GPC6: variants seen among roughly 807,000 people sequenced by gnomAD.
GPC6 encodes glypican 6.
A neutral mutation model predicts 55.2 loss-of-function variants in GPC6; 14 were observed. The ratio of observed to expected loss-of-function variants is 0.25; its 90% CI spans 0.17 to 0.40. The LOEUF (loss-of-function observed/expected upper bound fraction) is 0.40. Ranked by LOEUF, GPC6 falls within the 10% of genes least tolerant of loss-of-function variation. The pLI, the probability that GPC6 is intolerant of heterozygous loss-of-function variation, is 1.00. For missense variants in GPC6, 641 were observed against 708.5 expected, an observed-to-expected ratio of 0.90 and a Z score of 1.08; for synonymous variants, 278 against 259.6, an observed-to-expected ratio of 1.07 and a Z score of -0.68.
At chr13:94,161,483 C>T (rs1888161395) in intron 4 of GPC6, among the ~76,000 whole-genome samples, 1 of 152,164 alleles carries the variant, frequency 6.6e-6, no homozygotes, top group African/African-American at 2.4e-5. Flanking sequence ...GTCTTATTAG[C>T]ATGTTGACAT....
intron 4 of GPC6, among the ~76,000 whole-genome samples, chr13:94,079,729 C>A (rs574144365): frequency 6.6e-6 from 1 of 152,182 alleles, no homozygotes. Flanking sequence ...AGTTCCATAA[C>A]CATTGTAAAA....
intron 4 of GPC6, among the ~76,000 whole-genome samples, chr13:94,226,929 A>G (rs1482210554): frequency 6.6e-6 from 1 of 152,108 alleles, no homozygotes; most frequent in African/African-American, 2.4e-5. Context: ...GATGCCATGA[A>G]CCAGCAGTCC....
chr13:94,065,663 A>C (rs1884492684), intron 4 of GPC6, among the ~76,000 whole-genome samples: 1 of 152,190 alleles, frequency 6.6e-6, no homozygotes, highest in Non-Finnish European at 1.5e-5. Context: ...TTAGTGCTTC[A>C]CTTGACTCAG....
chr13:93,507,523 A>C (rs1880782103), intron 1 of GPC6, among the ~76,000 whole-genome samples: 1 of 152,218 alleles, frequency 6.6e-6, no homozygotes, highest in African/African-American at 2.4e-5. Flanking sequence ...CACTACTTTA[A>C]TTCCAATGAG....
intron 1 of GPC6, among the ~76,000 whole-genome samples, chr13:93,256,377 A>G (rs547914634): frequency 2.0e-5 from 3 of 151,886 alleles, no homozygotes; most frequent in Non-Finnish European, 2.9e-5. Flanking sequence ...GGAATAATTT[A>G]TCTCTCCTCT....
intron 4 of GPC6, among the ~76,000 whole-genome samples, chr13:94,260,615 A>G (rs754712348): frequency 3.9e-5 from 6 of 152,118 alleles, no homozygotes; most frequent in Admixed American, 2.0e-4. Context: ...TGAAGACTCT[A>G]TCTCCTAATA....
intron 1 of GPC6, among the ~76,000 whole-genome samples, chr13:93,450,928 A>G (rs937750213): frequency 6.6e-6 from 1 of 152,352 alleles, no homozygotes; most frequent in South Asian, 2.1e-4. Context: ...ACTGGAGTCC[A>G]GTAAGCCTGA....
intron 4 of GPC6, among the ~76,000 whole-genome samples, chr13:94,282,084 A>G (rs1410335873): frequency 6.6e-6 from 1 of 152,242 alleles, no homozygotes; most frequent in Admixed American, 6.5e-5. Context: ...CTCTTACCAC[A>G]AAATAAATTA....
chr13:94,167,274 A>T (rs1888400165), intron 4 of GPC6, among the ~76,000 whole-genome samples: 1 of 152,226 alleles, frequency 6.6e-6, no homozygotes, highest in African/African-American at 2.4e-5. Flanking sequence ...GTTCTTGTGT[A>T]GTCATAACAG....
At chr13:93,659,827 C>T (rs1880846191) in intron 2 of GPC6, among the ~76,000 whole-genome samples, 1 of 151,950 alleles carries the variant, frequency 6.6e-6, no homozygotes. Context: ...TCTATTCTCT[C>T]AGTAAGCATC....
At chr13:93,801,826 C>G (rs759985380) in intron 2 of GPC6, among the ~76,000 whole-genome samples, 11 of 152,180 alleles carry the variant, frequency 7.2e-5, no homozygotes, top group Non-Finnish European at 1.5e-4. Flanking sequence ...CTTCATTTCC[C>G]TGACTTCCTT....
intron 3 of GPC6, among the ~76,000 whole-genome samples, chr13:93,930,008 C>T (rs77322111): frequency 0.016 from 2,443 of 152,034 alleles, 72 homozygotes; most frequent in East Asian, 0.12. Flanking sequence ...CATTGTACCA[C>T]TTTCTCCTTT....
At chr13:94,104,040 C>A (rs1287483302) in intron 4 of GPC6, among the ~76,000 whole-genome samples, 1 of 152,068 alleles carries the variant, frequency 6.6e-6, no homozygotes, top group Admixed American at 6.6e-5. Flanking sequence ...GTCTTTAATC[C>A]ATCTTGAATT....
At chr13:94,151,476 C>T (rs1440024196) in intron 4 of GPC6, among the ~76,000 whole-genome samples, 1 of 152,138 alleles carries the variant, frequency 6.6e-6, no homozygotes, top group African/African-American at 2.4e-5. Flanking sequence ...CAGGACACTA[C>T]AGAAGCTGAC....
At chr13:94,081,346 CAT>C (rs1257305432) in intron 4 of GPC6, among the ~76,000 whole-genome samples, 1 of 152,156 alleles carries the variant, frequency 6.6e-6, no homozygotes, top group African/African-American at 2.4e-5. Context: ...AACTCAAAGA[CAT>C]ATTATCTCTT....
intron 3 of GPC6, among the ~76,000 whole-genome samples, chr13:93,858,989 T>A (rs1317284652): frequency 1.3e-5 from 2 of 151,612 alleles, no homozygotes; most frequent in Admixed American, 1.3e-4. Context: ...GAATTTGTAT[T>A]GTGCTAATGG....
chr13:93,540,799 A>C (rs1882262806), intron 1 of GPC6, among the ~76,000 whole-genome samples: 1 of 152,144 alleles, frequency 6.6e-6, no homozygotes, highest in Non-Finnish European at 1.5e-5. Flanking sequence ...ATTAGCTATA[A>C]TTTTGTATCC....
Position 94,065,662 on chromosome 13 carries a change from C to A in GPC6, c.877+37768C>A, listed in dbSNP as rs147126611. On this transcript the variant is annotated intron_variant, in intron 4 of 8. Transcript: ENST00000377047. ...GACTATCTAGCAAAGGTTAGTGCTT[C>A]ACTTGACTCAGAAAACCAAAATTAT... 2.1e-3 allele frequency among the ~76,000 whole-genome samples: 322 copies of A among 152,276 alleles called. 2 individuals are homozygous for A. The highest frequency in any genetic ancestry group is 7.6e-3 in the African/African-American group (317 of 41,546).
intron 4 of GPC6, among the ~76,000 whole-genome samples, chr13:94,194,659 G>T (rs1197833508): frequency 6.6e-6 from 1 of 152,156 alleles, no homozygotes; most frequent in African/African-American, 2.4e-5. Context: ...ATTGTATACT[G>T]CTGGGGTGAT....
Sources: allele counts gnomAD v4.1 joint callset (sites outside exome capture counted in the v4.1 genomes callset), GRCh38; gene constraint gnomAD v4.1.1; transcripts MANE v1.5; gene names NCBI Gene and HGNC (gene_info 2026-07-23, HGNC 2026-07-21).